The following NKAIN3 variants were observed in gnomAD, a reference collection of about 807,000 sequenced individuals.
NKAIN3 encodes sodium/potassium transporting ATPase interacting 3.
NKAIN3 carries 25 observed loss-of-function variants against 30.2 expected under a neutral mutation model. The ratio of observed to expected loss-of-function variants is 0.83; its 90% CI spans 0.60 to 1.16. The LOEUF (loss-of-function observed/expected upper bound fraction) is 1.16, where lower values mean the gene tolerates loss of function less well. NKAIN3 is among the 50% of genes most tolerant of loss of function. NKAIN3 has a pLI of 0.00. For missense variants in NKAIN3, 225 were observed against 254.1 expected, an observed-to-expected ratio of 0.89 and a Z score of 0.78; for synonymous variants, 91 against 89.6, an observed-to-expected ratio of 1.02 and a Z score of -0.09.
intron 4 of NKAIN3, among the ~76,000 whole-genome samples, chr8:62,753,611 CAAGTT>C (rs1246982493): frequency 6.6e-6 from 1 of 151,982 alleles, no homozygotes; most frequent in Non-Finnish European, 1.5e-5. Flanking sequence ...CTGATGTATG[CAAGTT>C]AACTTTGAAA....
chr8:62,672,343 C>G (rs1202722619), intron 3 of NKAIN3, among the ~76,000 whole-genome samples: 1 of 152,102 alleles, frequency 6.6e-6, no homozygotes, highest in Admixed American at 6.6e-5. Flanking sequence ...CTCATGAGTG[C>G]CCTAGAAGTA....
At chr8:62,779,844 A>C (rs1489470733) in intron 4 of NKAIN3, among the ~76,000 whole-genome samples, 1 of 152,142 alleles carries the variant, frequency 6.6e-6, no homozygotes, top group African/African-American at 2.4e-5. Flanking sequence ...AACTACATCA[A>C]AAGAAAATCT....
intron 1 of NKAIN3, among the ~76,000 whole-genome samples, chr8:62,276,913 A>C (rs868604085): frequency 1.3e-5 from 2 of 152,122 alleles, no homozygotes; most frequent in African/African-American, 4.8e-5. Context: ...TGCATGTTTT[A>C]ATTTTTTTCT....
At position 62,417,476 on chromosome 8, in the gene NKAIN3, C is replaced by T. The variant is rs533391201; in HGVS notation, c.55-162063C>T. On this transcript the variant is annotated intron_variant, in intron 1 of 6. Coordinates refer to ENST00000623646, the MANE Select transcript of NKAIN3 (RefSeq NM_001304533.3). ...TCTATATACTGATTTCCTTTCTTTT[C>T]GGTATATACCCAGCATTGAGCTTGC... Among the ~76,000 whole-genome samples the T allele has an allele frequency of 1.1e-4, 16 of 152,216 alleles. No individual in the cohort carries two copies. The East Asian group carries it at 1.4e-3, about 13-fold the overall frequency.
intron 1 of NKAIN3, among the ~76,000 whole-genome samples, chr8:62,337,149 A>C (rs548106764): frequency 6.6e-6 from 1 of 152,148 alleles, no homozygotes; most frequent in South Asian, 2.1e-4. Flanking sequence ...CAACAAACAG[A>C]AAGTGAAAGC....
At chr8:62,657,463 C>A (rs1812794385) in intron 3 of NKAIN3, among the ~76,000 whole-genome samples, 1 of 152,140 alleles carries the variant, frequency 6.6e-6, no homozygotes, top group Non-Finnish European at 1.5e-5. Flanking sequence ...AATATGTAAG[C>A]AATCTTCTTT....
intron 4 of NKAIN3, among the ~76,000 whole-genome samples, chr8:62,818,905 G>T (rs1818769484): frequency 6.6e-6 from 1 of 151,834 alleles, no homozygotes; most frequent in African/African-American, 2.4e-5. Flanking sequence ...TGAATAAAAA[G>T]CATGCTGGGA....
chr8:62,985,712 C>G (rs954680516), downstream of NKAIN3, among the ~76,000 whole-genome samples: 1 of 151,298 alleles, frequency 6.6e-6, no homozygotes, highest in Non-Finnish European at 1.5e-5. Context: ...GTGAATTTGT[C>G]TTGAACAAAT....
intron 3 of NKAIN3, among the ~76,000 whole-genome samples, chr8:62,703,585 C>A (rs1814416678): frequency 1.3e-5 from 2 of 152,178 alleles, no homozygotes; most frequent in Non-Finnish European, 2.9e-5. Flanking sequence ...GTAATGCAAT[C>A]TGGATTTGTT....
At position 62,965,889 on chromosome 8, in the gene NKAIN3, T is replaced by G; in HGVS notation, c.*482T>G. 9.1e-6 allele frequency: 9 copies of G among 985,334 alleles called. No individual in the cohort carries two copies. In the South Asian group the frequency reaches 4.2e-4, roughly 46 times the overall value. The allele number at this position is 985,334 out of a possible 1,614,324, so 61.0% of individuals were successfully genotyped here. A position where few individuals can be genotyped will look rare whatever the true frequency, so the allele number is the denominator to read the frequency against. ...ACAGCTGATAAATAGGTACAAATAA[T>G]GGATCCAGCTTTTGGATTGAATATG... On this transcript the variant is annotated 3_prime_UTR_variant, in exon 7 of 7. Coordinates refer to ENST00000623646, the MANE Select transcript of NKAIN3 (RefSeq NM_001304533.3).
chr8:62,807,556 GTTT>G (rs11482643), intron 4 of NKAIN3, among the ~76,000 whole-genome samples: 1 of 134,298 alleles, frequency 7.4e-6, no homozygotes, highest in African/African-American at 2.7e-5. Context: ...TTCTTTTCTG[GTTT>G]TTTTTTTTTT....
intron 4 of NKAIN3, among the ~76,000 whole-genome samples, chr8:62,802,840 A>C (rs2130697528): frequency 6.6e-6 from 1 of 152,280 alleles, no homozygotes; most frequent in Admixed American, 6.5e-5. Flanking sequence ...AAGAGTCAAG[A>C]CCCATCAGTG....
chr8:62,723,316 A>T (rs531196171), intron 3 of NKAIN3, among the ~76,000 whole-genome samples: 2 of 152,234 alleles, frequency 1.3e-5, no homozygotes, highest in Non-Finnish European at 2.9e-5. Context: ...ACACACACAC[A>T]AAAAATTGTT....
chr8:62,873,711 G>A (rs1820713437), intron 4 of NKAIN3, among the ~76,000 whole-genome samples: 1 of 151,768 alleles, frequency 6.6e-6, no homozygotes. Flanking sequence ...CATGGAAACT[G>A]AACAACCTGC....
intron 1 of NKAIN3, among the ~76,000 whole-genome samples, chr8:62,257,759 C>T (rs562623608): frequency 6.6e-6 from 1 of 152,188 alleles, no homozygotes; most frequent in Admixed American, 6.5e-5. Context: ...TGGAGATGAA[C>T]AAAATTCACT....
intron 4 of NKAIN3, among the ~76,000 whole-genome samples, chr8:62,913,441 C>G (rs1711826040): frequency 6.6e-6 from 1 of 152,186 alleles, no homozygotes. Flanking sequence ...TGGTTCATCA[C>G]TGACGGAAAT....
At chr8:62,504,584 G>A (rs1411632916) in intron 1 of NKAIN3, among the ~76,000 whole-genome samples, 1 of 151,994 alleles carries the variant, frequency 6.6e-6, no homozygotes, top group Admixed American at 6.6e-5. Context: ...TTTGTTCCTG[G>A]ATTGTTGCAA....
intron 3 of NKAIN3, among the ~76,000 whole-genome samples, chr8:62,715,162 C>T (rs1164626347): frequency 1.3e-5 from 2 of 152,128 alleles, no homozygotes; most frequent in Admixed American, 1.3e-4. Context: ...ATCACAAGAA[C>T]AGCAAGAGGG....
chr8:62,803,149 C>A (rs1396223241), intron 4 of NKAIN3, among the ~76,000 whole-genome samples: 4 of 152,030 alleles, frequency 2.6e-5, no homozygotes, highest in Admixed American at 2.6e-4. Flanking sequence ...ACTTAGACTC[C>A]CACACAATAA....
Sources: allele counts gnomAD v4.1 joint callset (sites outside exome capture counted in the v4.1 genomes callset), GRCh38; gene constraint gnomAD v4.1.1; transcripts MANE v1.5; gene names NCBI Gene and HGNC (gene_info 2026-07-23, HGNC 2026-07-21).